ZNF251: variants seen among roughly 807,000 people sequenced by gnomAD.
The protein encoded by ZNF251 is zinc finger protein 251.
Under a neutral mutation model 13.5 loss-of-function variants are expected in ZNF251, and 14 were observed. That is an observed-to-expected ratio of 1.04 (90% CI 0.69 to 1.63). ZNF251 has a LOEUF of 1.63. Ranked by LOEUF, ZNF251 falls within the 40% of genes most tolerant of loss-of-function variation. The pLI is 0.00. For missense variants in ZNF251, 764 were observed against 834.9 expected (o/e 0.92, Z 1.05); for synonymous variants, 287 against 295.2 (o/e 0.97, Z 0.28).
At chr8:144,729,351 TTG>T (rs1166562388) in intron 4 of ZNF251, among the ~76,000 whole-genome samples, 5 of 136,236 alleles carry the variant, frequency 3.7e-5, no homozygotes, top group African/African-American at 1.3e-4. Flanking sequence ...TTTTTTTTTT[TTG>T]TGAGATAGAG....
In ZNF251 at chr8:144,721,916, T is replaced by G; in HGVS notation, c.1744A>C (p.Thr582Pro). The G allele has an allele frequency of 6.6e-7, 1 of 1,508,880 alleles. No homozygotes were observed. The highest frequency in any genetic ancestry group is 8.9e-7 in the Non-Finnish European group (1 of 1,128,414). The allele number at this position is 1,508,880 out of a possible 1,614,324, so 93.5% of individuals were successfully genotyped here. ...GKAFSPTSRP[T>P]EDQIMHAGEK... ...CCAGCATGCATTATCTGATCTTCAG[T>G]GGGTCGTGAGGTGGGACTGAAAGCT... is the stretch of plus-strand genomic sequence containing the variant. Residue 582 changes from threonine (T) to proline (P), a missense_variant, in exon 5 of 5, where the codon ACT (threonine) becomes CCT (proline). Thr to Pro is a conservative substitution (Grantham distance 38, BLOSUM62 -1). Transcript: ENST00000292562.
At chr8:144,741,815 T>C (rs1824177982) in intron 4 of ZNF251, among the ~76,000 whole-genome samples, 1 of 152,136 alleles carries the variant, frequency 6.6e-6, no homozygotes, top group South Asian at 2.1e-4. Flanking sequence ...AGAATACAGA[T>C]AAAAATATTT....
rs757837862 is a variant in ZNF251, at chr8:144,755,489, A to C, written c.-160T>G. Reference sequence around the variant, plus strand: ...GAGCCCGGAACGGACCCTCCCACAGAACCGGGTCCAGAGCCGGGGAGGGGG... The same window carrying C: ...GAGCCCGGAACGGACCCTCCCACAGCACCGGGTCCAGAGCCGGGGAGGGGG... On this transcript the variant is annotated 5_prime_UTR_variant, in exon 1 of 5. Coordinates refer to ENST00000292562, the MANE Select transcript of ZNF251 (RefSeq NM_138367.2). The C allele has an allele frequency of 5.2e-5, 67 of 1,287,010 alleles. No homozygotes were observed. The East Asian group carries it at 7.2e-4, about 14-fold the overall frequency. The allele number at this position is 1,287,010 out of a possible 1,614,324, so 79.7% of individuals were successfully genotyped here.
chr8:144,746,452 T>C (rs1304509185), intron 4 of ZNF251, among the ~76,000 whole-genome samples: 1 of 152,242 alleles, frequency 6.6e-6, no homozygotes, highest in African/African-American at 2.4e-5. Flanking sequence ...TAGTTTCCTT[T>C]TCTTGTAATG....
chr8:144,754,733 T>A lies in ZNF251; in HGVS notation c.-5A>T. 6.2e-7 allele frequency: 1 copy of A among 1,612,292 alleles called. No homozygotes were observed. Among genetic ancestry groups the A allele is most frequent in the Non-Finnish European group, 8.5e-7 (1 of 1,179,248 alleles). On this transcript the variant is annotated 5_prime_UTR_variant, in exon 2 of 5. Transcript: ENST00000292562. ...AAGCTGGAATGTGGCTGCCATTCTG[T>A]GTGCATGGGCTGCTGTGGTTTCCAA... is the stretch of plus-strand genomic sequence containing the variant.
chr8:144,746,451 T>C (rs1824434553), intron 4 of ZNF251, among the ~76,000 whole-genome samples: 1 of 152,244 alleles, frequency 6.6e-6, no homozygotes, highest in Non-Finnish European at 1.5e-5. Flanking sequence ...GTAGTTTCCT[T>C]TTCTTGTAAT....
chr8:144,723,240 C>T lies in ZNF251; in HGVS notation c.420G>A (p.Glu140=). 6.2e-7 allele frequency: 1 copy of T among 1,613,554 alleles called. No homozygotes were observed. Among genetic ancestry groups the T allele is most frequent in the Non-Finnish European group, 8.5e-7 (1 of 1,179,674 alleles). ...TTCCCACGCGCTCTTTGAGTTTGCC[C>T]TCACGGCCCCATGCTTCCCGAAACT... ...AAEFREAWGR[E]GKLKERVGNS... is the part of the protein sequence containing the mutation. Residue 140 remains glutamate, a synonymous_variant, in exon 5 of 5, where the codon GAG becomes GAA. Coordinates refer to ENST00000292562, the MANE Select transcript of ZNF251 (RefSeq NM_138367.2).
chr8:144,742,119 G>A (rs975758405), intron 4 of ZNF251, among the ~76,000 whole-genome samples: 3 of 151,922 alleles, frequency 2.0e-5, no homozygotes, highest in Non-Finnish European at 2.9e-5. Context: ...GACACACCAC[G>A]AGCCAGTGAT....
chr8:144,728,641 C>T (rs1446732373), intron 4 of ZNF251, among the ~76,000 whole-genome samples: 3 of 135,110 alleles, frequency 2.2e-5, no homozygotes, highest in South Asian at 2.3e-4. Flanking sequence ...CCAGTCTGGG[C>T]GACAGAGCAA....
At chr8:144,729,486 G>A (rs945095637) in intron 4 of ZNF251, among the ~76,000 whole-genome samples, 16 of 151,286 alleles carry the variant, frequency 1.1e-4, no homozygotes, top group African/African-American at 2.9e-4. Flanking sequence ...ACAGGCGCCC[G>A]CCACCACGCC....
intron 4 of ZNF251, among the ~76,000 whole-genome samples, chr8:144,742,512 G>A (rs1403327936): frequency 6.9e-6 from 1 of 145,696 alleles, no homozygotes; most frequent in Non-Finnish European, 1.5e-5. Context: ...CCGCAACAGT[G>A]ATAACAGCGT....
intron 4 of ZNF251, among the ~76,000 whole-genome samples, chr8:144,732,992 C>T (rs531002325): frequency 4.0e-5 from 6 of 151,754 alleles, no homozygotes; most frequent in African/African-American, 1.2e-4. Context: ...GAGGCTGAGG[C>T]GGGTGGATCA....
chr8:144,725,832 ATT>A (rs1160952769), intron 4 of ZNF251, among the ~76,000 whole-genome samples: 1 of 152,150 alleles, frequency 6.6e-6, no homozygotes, highest in Non-Finnish European at 1.5e-5. Flanking sequence ...CCTAAACAAA[ATT>A]TTCAGAAGCC....
intron 4 of ZNF251, among the ~76,000 whole-genome samples, chr8:144,739,003 C>T (rs923703846): frequency 1.4e-4 from 21 of 152,022 alleles, no homozygotes; most frequent in African/African-American, 1.2e-4. Context: ...GCCTTCCTGA[C>T]GGGGATGGCC....
chr8:144,749,440 T>C (rs1824586388), intron 4 of ZNF251, among the ~76,000 whole-genome samples: 1 of 152,120 alleles, frequency 6.6e-6, no homozygotes, highest in South Asian at 2.1e-4. Flanking sequence ...AGACTGGGAC[T>C]GTGCCACTGC....
At position 144,722,219 on chromosome 8, in the gene ZNF251, G is replaced by C; in HGVS notation, c.1441C>G (p.Arg481Gly). 1.3e-6 allele frequency: 2 copies of C among 1,586,132 alleles called. No homozygotes were observed. Among genetic ancestry groups the C allele is most frequent in the Non-Finnish European group, 8.6e-7 (1 of 1,167,676 alleles). The stretch of plus-strand genomic sequence containing the variant: ...TAGGGCTTCTCTCCAGTGTGAACTC[G>C]CTGATGTAGGGTGAGCTGGGAGCTC... ...SQSSQLTLHQ[R>G]VHTGEKPYDC... The change falls in exon 5 of 5, where the codon CGA becomes GGA. Residue 481 changes from arginine (R) to glycine (G), a missense_variant. Physicochemically the swap from Arg to Gly is moderately radical, Grantham distance 125 (BLOSUM62 -2). Coordinates refer to ENST00000292562, the MANE Select transcript of ZNF251 (RefSeq NM_138367.2). This position sits in a 1 kb window ranked among gnomAD's most constrained non-coding sequence, Gnocchi z 4.8.
chr8:144,755,127 C>T (rs894212717), intron 1 of ZNF251: 4 of 1,211,670 alleles, frequency 3.3e-6, no homozygotes, highest in African/African-American at 3.2e-5. Context: ...CGTGAGGGTG[C>T]AGCCTCACCA....
chr8:144,723,970 G>A (rs2466400), intron 4 of ZNF251, among the ~76,000 whole-genome samples: 11,047 of 152,172 alleles, frequency 0.073, 1,065 homozygotes, highest in East Asian at 0.37. Context: ...AGGGCCAGGC[G>A]CGGTGGCTCA....
chr8:144,752,188 C>T (rs1046493428), intron 4 of ZNF251, among the ~76,000 whole-genome samples: 1 of 148,146 alleles, frequency 6.8e-6, no homozygotes, highest in African/African-American at 2.5e-5. Context: ...CTGAACAATA[C>T]CATCAACCAC....
Sources: allele counts gnomAD v4.1 joint callset (sites outside exome capture counted in the v4.1 genomes callset), GRCh38; gene constraint gnomAD v4.1.1; non-coding constraint Gnocchi (gnomAD v3.1); transcripts MANE v1.5; gene names NCBI Gene and HGNC (gene_info 2026-07-23, HGNC 2026-07-21).